The following CRACD variants were observed in gnomAD, a reference collection of about 807,000 sequenced individuals.
CRACD encodes the protein capping protein-inhibiting regulator of actin dynamics.
Under a neutral mutation model 106.8 loss-of-function variants are expected in CRACD, and 56 were observed. The observed-to-expected ratio is 0.52, with a 90% CI of 0.42 to 0.66. The LOEUF is 0.66. Among genes scored for constraint, CRACD ranks in the 30% least tolerant of loss-of-function variants. The pLI is 0.00. For missense variants in CRACD, 1,730 were observed against 1,623.2 expected, an observed-to-expected ratio of 1.07 and a Z score of -1.13; for synonymous variants, 754 against 670.8, an observed-to-expected ratio of 1.12 and a Z score of -1.92.
At chr4:56,212,466 C>T (rs1399317315) in intron 2 of CRACD, among the ~76,000 whole-genome samples, 1 of 152,192 alleles carries the variant, frequency 6.6e-6, no homozygotes, top group East Asian at 1.9e-4. Context: ...AACTTACTTT[C>T]ACTTTACTCT....
intron 1 of CRACD, among the ~76,000 whole-genome samples, chr4:56,150,551 A>C (rs538351532): frequency 2.6e-5 from 4 of 152,240 alleles, no homozygotes; most frequent in Admixed American, 1.3e-4. Flanking sequence ...TCCCAATCAT[A>C]ATTTCTTCCC....
chr4:56,104,877 G>C (rs1364159045), intron 1 of CRACD, among the ~76,000 whole-genome samples: 2 of 150,786 alleles, frequency 1.3e-5, no homozygotes, highest in African/African-American at 2.4e-5. Context: ...TGAGGCAGGA[G>C]AATGGCGTGA....
At chr4:56,245,619 A>C (rs894097837) in intron 2 of CRACD, among the ~76,000 whole-genome samples, 8 of 152,206 alleles carry the variant, frequency 5.3e-5, no homozygotes, top group African/African-American at 1.4e-4. Context: ...GGAGTGTTGC[A>C]CTATTTGTTC....
chr4:56,106,687 C>T (rs1009816674), intron 1 of CRACD, among the ~76,000 whole-genome samples: 1 of 152,158 alleles, frequency 6.6e-6, no homozygotes, highest in African/African-American at 2.4e-5. Context: ...ATTCTTTTTC[C>T]TTGGTTCCTC....
At chr4:56,165,009 G>T (rs1236748870) in intron 1 of CRACD, among the ~76,000 whole-genome samples, 3 of 152,130 alleles carry the variant, frequency 2.0e-5, no homozygotes, top group African/African-American at 7.2e-5. Context: ...AAACAACTTG[G>T]GCAGTTGGAA....
intron 2 of CRACD, among the ~76,000 whole-genome samples, chr4:56,269,381 G>A (rs117968087): frequency 0.035 from 5,276 of 150,432 alleles, 182 homozygotes; most frequent in East Asian, 0.2. Flanking sequence ...AGACCCTCTC[G>A]CAAAGTAAAA....
intron 1 of CRACD, among the ~76,000 whole-genome samples, chr4:56,155,028 C>T (rs1438996525): frequency 7.7e-6 from 1 of 129,834 alleles, no homozygotes; most frequent in Non-Finnish European, 1.7e-5. Context: ...GCAATTCAGT[C>T]CAATCATCAT....
intron 1 of CRACD, among the ~76,000 whole-genome samples, chr4:56,100,253 G>T (rs186738793): frequency 2.0e-5 from 3 of 152,076 alleles, no homozygotes; most frequent in African/African-American, 4.8e-5. Context: ...GCGGGGACGG[G>T]GGGGAAGGGG....
chr4:56,197,720 C>A (rs1378695746), intron 2 of CRACD, among the ~76,000 whole-genome samples: 1 of 151,764 alleles, frequency 6.6e-6, no homozygotes, highest in Non-Finnish European at 1.5e-5. Flanking sequence ...ACTCTGTTGC[C>A]CCGCTGGAGT....
At chr4:56,274,949 C>T (rs543308995) in intron 3 of CRACD, among the ~76,000 whole-genome samples, 2 of 152,026 alleles carry the variant, frequency 1.3e-5, no homozygotes, top group Non-Finnish European at 2.9e-5. Context: ...ACTTTGCAGC[C>T]ACAAAAAAGA....
chr4:56,222,426 G>A (rs1222089525), intron 2 of CRACD, among the ~76,000 whole-genome samples: 3 of 152,120 alleles, frequency 2.0e-5, no homozygotes, highest in South Asian at 2.1e-4. Context: ...TAAAAACTAC[G>A]TATTGGGTAC....
intron 2 of CRACD, among the ~76,000 whole-genome samples, chr4:56,257,793 C>G (rs984979893): frequency 1.3e-4 from 20 of 152,030 alleles, no homozygotes; most frequent in Non-Finnish European, 1.5e-5. Context: ...AAACATTGGC[C>G]GGCCATGGTG....
chr4:56,272,342 T>G lies in CRACD; in HGVS notation c.-167T>G, dbSNP rs1422835269. The G allele has an allele frequency of 1.3e-5, 2 of 153,050 alleles. No individual in the cohort carries two copies. Among genetic ancestry groups the G allele is most frequent in the Non-Finnish European group, 2.9e-5 (2 of 68,076 alleles). 9.5% of individuals were successfully genotyped at this position (153,050 alleles called of 1,614,324 possible). On this transcript the variant is annotated 5_prime_UTR_variant, in exon 3 of 11. The change creates a new upstream start codon in the 5' untranslated region. Coordinates refer to ENST00000682029, the MANE Select transcript of CRACD (RefSeq NM_001393381.1). ...ACAGACAAGAAGAAGGGAGGCAAAT[T>G]CCAGCCTTTTAAAAAGTTGTTTGGC...
chr4:56,288,009 G>T (rs952686746), intron 3 of CRACD, among the ~76,000 whole-genome samples: 2 of 152,144 alleles, frequency 1.3e-5, no homozygotes, highest in Non-Finnish European at 2.9e-5. Flanking sequence ...TTCCTGGAGT[G>T]GGTTCATGGT....
chr4:56,239,356 C>G (rs369920200), intron 2 of CRACD, among the ~76,000 whole-genome samples: 3 of 151,566 alleles, frequency 2.0e-5, no homozygotes, highest in East Asian at 1.9e-4. Flanking sequence ...TATGAGATGT[C>G]TATGGGAAGA....
intron 1 of CRACD, among the ~76,000 whole-genome samples, chr4:56,110,808 G>C (rs997321237): frequency 6.6e-6 from 1 of 152,182 alleles, no homozygotes; most frequent in Non-Finnish European, 1.5e-5. Flanking sequence ...TGTAGGCCAG[G>C]CTGGTCTCAA....
rs1402977552 is a variant in CRACD, at chr4:56,314,382, A to G, written c.880A>G (p.Ser294Gly). 3 of 1,469,706 alleles carry G rather than the reference A, an allele frequency of 2.0e-6. No individual in the cohort carries two copies. Among genetic ancestry groups the G allele is most frequent in the East Asian group, 2.5e-5 (1 of 40,690 alleles). 91.0% of individuals were successfully genotyped at this position (1,469,706 alleles called of 1,614,324 possible). Reference protein sequence around the residue: ...ERAPREEQQRSLEAPGWEDAE... With the variant: ...ERAPREEQQRGLEAPGWEDAE... The stretch of plus-strand genomic sequence containing the variant: ...GGCGCCGCGGGAAGAGCAGCAGCGG[A>G]GCCTGGAAGCGCCAGGTTGGGAGGA... The change falls in exon 8 of 11, where the codon AGC (serine) becomes GGC (glycine). Residue 294 changes from serine to glycine, a missense_variant. Ser to Gly is a moderately conservative substitution (Grantham distance 56). Transcript: ENST00000682029. This position sits in a 1 kb window ranked among gnomAD's most constrained non-coding sequence, Gnocchi z 4.4.
chr4:56,330,040 C>A lies in CRACD; in HGVS notation c.*2236C>A, dbSNP rs1746705862. 6.6e-6 allele frequency among the ~76,000 whole-genome samples: 1 copy of A among 152,156 alleles called. No homozygotes were observed. The stretch of plus-strand genomic sequence containing the variant: ...AGGGTACATGTTTAACATTTCATTT[C>A]AAAATCACCCCAAATTTGCACTAAA... On this transcript the variant is annotated 3_prime_UTR_variant, in exon 11 of 11. Coordinates refer to ENST00000682029, the MANE Select transcript of CRACD (RefSeq NM_001393381.1).
At chr4:56,206,414 A>G (rs1395363129) in intron 2 of CRACD, among the ~76,000 whole-genome samples, 1 of 152,196 alleles carries the variant, frequency 6.6e-6, no homozygotes, top group Non-Finnish European at 1.5e-5. Flanking sequence ...CATCCTGGAA[A>G]TTGCCTGTAT....
Sources: gnomAD v4.1 joint callset for allele counts (sites outside exome capture counted in the v4.1 genomes callset) on GRCh38, gnomAD v4.1.1 for gene constraint, Gnocchi (gnomAD v3.1) non-coding constraint, MANE v1.5 for transcripts, NCBI Gene and HGNC (gene_info 2026-07-23, HGNC 2026-07-21) for gene names.